Variants in KCNN4 observed in about 807,000 individuals in gnomAD.
KCNN4 encodes intermediate conductance calcium-activated potassium channel protein 4.
Under a neutral mutation model 45.2 loss-of-function variants are expected in KCNN4, and 31 were observed. That is an observed-to-expected ratio of 0.69 (90% CI 0.52 to 0.92). The LOEUF (loss-of-function observed/expected upper bound fraction) is 0.92, where lower values mean the gene tolerates loss of function less well. Among genes scored for constraint, KCNN4 ranks in the 40% least tolerant of loss-of-function variants. The pLI is 0.00. For missense variants in KCNN4, 463 were observed against 574.0 expected, an observed-to-expected ratio of 0.81 and a Z score of 1.98; for synonymous variants, 231 against 254.6, an observed-to-expected ratio of 0.91 and a Z score of 0.88.
At chr19:43,778,528 C>T (rs1420705803) in intron 1 of KCNN4, among the ~76,000 whole-genome samples, 3 of 152,178 alleles carry the variant, frequency 2.0e-5, no homozygotes, top group Admixed American at 6.5e-5. Flanking sequence ...CGTGAGCCAC[C>T]GCGCCCGGCC....
chr19:43,774,134 C>G lies in KCNN4; in HGVS notation c.683+58G>C. 1 of 1,513,026 alleles carries G rather than the reference C, an allele frequency of 6.6e-7. No homozygotes were observed. Among genetic ancestry groups the G allele is most frequent in the East Asian group, 2.4e-5 (1 of 41,774 alleles). 93.7% of individuals were successfully genotyped at this position (1,513,026 alleles called of 1,614,324 possible). A position where few individuals can be genotyped will look rare whatever the true frequency, so the allele number is the denominator to read the frequency against. On this transcript the variant is annotated intron_variant, in intron 3 of 8. Coordinates refer to ENST00000648319, the MANE Select transcript of KCNN4 (RefSeq NM_002250.3). This position sits in a 1 kb window ranked among gnomAD's most constrained non-coding sequence, Gnocchi z 5.6. ...CCTCAACCTGCACCGCGGCACAGGACGGCCGCCGTGGCTGTCCGGGGTTCC... is the reference window on the plus strand; with the variant it reads ...CCTCAACCTGCACCGCGGCACAGGAGGGCCGCCGTGGCTGTCCGGGGTTCC...
chr19:43,769,235 G>A lies in KCNN4; in HGVS notation c.1050-203C>T, dbSNP rs1215488453. ...AGTAGAAACCCAGGTACCCAGGTCC[G>A]CAGACACACCGAGATATGCGGAGAC... On this transcript the variant is annotated intron_variant, in intron 6 of 8. Coordinates refer to ENST00000648319, the MANE Select transcript of KCNN4 (RefSeq NM_002250.3). This position sits in a 1 kb window ranked among gnomAD's most constrained non-coding sequence, Gnocchi z 4.4. 4.4e-5 allele frequency: 30 copies of A among 674,562 alleles called. No homozygotes were observed. Among genetic ancestry groups the A allele is most frequent in the South Asian group, 3.1e-4 (18 of 57,302 alleles). 41.8% of individuals were successfully genotyped at this position (674,562 alleles called of 1,614,324 possible). A position where few individuals can be genotyped will look rare whatever the true frequency, so the allele number is the denominator to read the frequency against.
chr19:43,774,361 C>T lies in KCNN4; in HGVS notation c.514G>A (p.Gly172Ser). 1.2e-6 allele frequency: 2 copies of T among 1,608,110 alleles called. No individual in the cohort carries two copies. Among genetic ancestry groups the T allele is most frequent in the Non-Finnish European group, 1.7e-6 (2 of 1,177,428 alleles). The change falls in exon 3 of 9, where the codon GGC (glycine) becomes AGC (serine). Residue 172 changes from glycine (G) to serine (S), a missense_variant. By Grantham distance (56) the Gly-to-Ser change is moderately conservative. Around this residue, in one of 3 missense-constraint regions of KCNN4, gnomAD observed 225 missense variants for 240.9 expected, o/e 0.93. Coordinates refer to ENST00000648319, the MANE Select transcript of KCNN4 (RefSeq NM_002250.3). The surrounding 1 kb of genome is among the most constrained non-coding windows in gnomAD (Gnocchi z 5.6). ...CGGTAGGAAGCGTTGAGCAGGACGC[C>T]GCTGCGCAGGAGCACGGCGCGGGGC... ...LVPRAVLLRS[G>S]VLLNASYRSI... is the part of the protein sequence containing the mutation.
rs200205232 is a variant in KCNN4, at chr19:43,774,244, G to C, written c.631C>G (p.Leu211Val). ...NTHPGRLLLG[L>V]TLGLWLTTAW... Reference sequence around the variant, plus strand: ...GTGGTCAGCCAGAGGCCAAGCGTGAGGCCGAGCAGCAGGCGGCCAGGGTGC... The same window carrying C: ...GTGGTCAGCCAGAGGCCAAGCGTGACGCCGAGCAGCAGGCGGCCAGGGTGC... Residue 211 changes from leucine to valine, a missense_variant, in exon 3 of 9, where the codon CTC becomes GTC. Around this residue, in one of 3 missense-constraint regions of KCNN4, gnomAD observed 109 missense variants for 183.7 expected, o/e 0.59. Transcript: ENST00000648319. This position sits in a 1 kb window ranked among gnomAD's most constrained non-coding sequence, Gnocchi z 5.6. The C allele has an allele frequency of 1.2e-6, 2 of 1,613,360 alleles. No individual in the cohort carries two copies. The highest frequency in any genetic ancestry group is 1.7e-6 in the Non-Finnish European group (2 of 1,179,720).
At chr19:43,776,487 C>G in intron 2 of KCNN4, 54 bp downstream of exon 2, 1 of 1,218,826 alleles carries the variant, frequency 8.2e-7, no homozygotes, top group East Asian at 2.3e-5. Context: ...TGTGAGCTGA[C>G]AGGGCGCTGA....
chr19:43,767,770 G>C, intron 7 of KCNN4, 63 bp from the exon 8 acceptor site: 1 of 1,575,832 alleles, frequency 6.3e-7, no homozygotes, highest in Non-Finnish European at 8.7e-7. Context: ...ACTCCATAGC[G>C]TAAGGCAATG....
intron 1 of KCNN4, 50 bp downstream of exon 1, chr19:43,780,653 C>G: frequency 1.3e-6 from 2 of 1,498,348 alleles, no homozygotes; most frequent in African/African-American, 2.8e-5. Flanking sequence ...CCCAGCCCCT[C>G]CTCCCTCAGA....
At chr19:43,777,796 G>A (rs762439809) in intron 1 of KCNN4, among the ~76,000 whole-genome samples, 1 of 152,160 alleles carries the variant, frequency 6.6e-6, no homozygotes, top group Admixed American at 6.5e-5. Flanking sequence ...TGCCTGGCGG[G>A]TATTTGCAGG....
At chr19:43,776,469 G>T (rs1229601452) in intron 2 of KCNN4, 72 bp downstream of exon 2, 45 of 1,022,810 alleles carry the variant, frequency 4.4e-5, no homozygotes, top group Non-Finnish European at 1.6e-5. Context: ...GAGGAGGAGG[G>T]TGGAAAGTGT....
At chr19:43,776,427 G>A (rs1442027671) in intron 2 of KCNN4, 114 bp downstream of exon 2, 2 of 752,524 alleles carry the variant, frequency 2.7e-6, no homozygotes, top group East Asian at 2.6e-5. Context: ...GCAGCACCTA[G>A]GGCAGAAGAA....
intron 4 of KCNN4, among the ~76,000 whole-genome samples, chr19:43,771,436 A>T (rs1305439863): frequency 6.6e-6 from 1 of 152,160 alleles, no homozygotes; most frequent in Non-Finnish European, 1.5e-5. Flanking sequence ...CCGAGAGATC[A>T]CGTGGCTCGC....
In KCNN4 at chr19:43,772,064, C is replaced by A; in HGVS notation, c.755G>T (p.Gly252Val). 5 of 1,613,516 alleles carry A rather than the reference C, an allele frequency of 3.1e-6. No homozygotes were observed. The highest frequency in any genetic ancestry group is 4.2e-6 in the Non-Finnish European group (5 of 1,179,810). Residue 252 changes from glycine (G) to valine (V), a missense_variant, in exon 4 of 9, where the codon GGC (glycine) becomes GTC (valine). By Grantham distance (109) the Gly-to-Val change is moderately radical (BLOSUM62 -3). Transcript: ENST00000648319. The surrounding 1 kb of genome is among the most constrained non-coding windows in gnomAD (Gnocchi z 4.4). ...GGTGCCCGGCACCACGTCACCATAG[C>A]CGATGGTCAGGAATGTGATGGGGAT... ...WLIPITFLTI[G>V]YGDVVPGTMW...
chr19:43,776,243 C>T (rs1248263041), intron 2 of KCNN4, among the ~76,000 whole-genome samples: 1 of 150,946 alleles, frequency 6.6e-6, no homozygotes, highest in Non-Finnish European at 1.5e-5. Flanking sequence ...AAGCTGAGTG[C>T]CTGGGAGCAG....
In KCNN4 at chr19:43,766,773, G is replaced by A. The variant is rs7181; in HGVS notation, c.*320C>T. The A allele has an allele frequency of 0.2, 31,238 of 152,472 alleles. 3,244 individuals are homozygous for A. The highest frequency in any genetic ancestry group is 0.27 in the East Asian group (1,390 of 5,162). The allele number at this position is 152,472 out of a possible 1,614,324, so 9.4% of individuals were successfully genotyped here. A position where few individuals can be genotyped will look rare whatever the true frequency, so the allele number is the denominator to read the frequency against. ...TAGTACCCTCTTTCCCAGGGACCCA[G>A]GAGTCCTGCCTCCAGTCGCCTGCAC... On this transcript the variant is annotated 3_prime_UTR_variant, in exon 9 of 9. Coordinates refer to ENST00000648319, the MANE Select transcript of KCNN4 (RefSeq NM_002250.3).
chr19:43,769,107 G>C lies in KCNN4; in HGVS notation c.1050-75C>G, dbSNP rs566252291. On this transcript the variant is annotated intron_variant, in intron 6 of 8. Transcript: ENST00000648319. The surrounding 1 kb of genome is among the most constrained non-coding windows in gnomAD (Gnocchi z 4.4). ...AGCTGTAGCTCAGGGGAGGAATGAA[G>C]GGAGGAGAGGCACATGAAGAAACAA... 26 of 1,447,396 alleles carry C rather than the reference G, an allele frequency of 1.8e-5. No homozygotes were observed. In the East Asian group the frequency reaches 5.9e-4, roughly 33 times the overall value. The allele number at this position is 1,447,396 out of a possible 1,614,324, so 89.7% of individuals were successfully genotyped here.
chr19:43,769,323 G>A lies in KCNN4; in HGVS notation c.1049+119C>T. The A allele has an allele frequency of 1.2e-6, 1 of 806,340 alleles. No homozygotes were observed. Among genetic ancestry groups the A allele is most frequent in the Non-Finnish European group, 2.1e-6 (1 of 475,758 alleles). 49.9% of individuals were successfully genotyped at this position (806,340 alleles called of 1,614,324 possible). A position where few individuals can be genotyped will look rare whatever the true frequency, so the allele number is the denominator to read the frequency against. Reference sequence around the variant, plus strand: ...TCCAGGTGAGACCTGGATGTTGAGTGAGACCACACCTGGGTGTCCTGACCT... The same window carrying A: ...TCCAGGTGAGACCTGGATGTTGAGTAAGACCACACCTGGGTGTCCTGACCT... On this transcript the variant is annotated intron_variant, in intron 6 of 8. Coordinates refer to ENST00000648319, the MANE Select transcript of KCNN4 (RefSeq NM_002250.3). This position sits in a 1 kb window ranked among gnomAD's most constrained non-coding sequence, Gnocchi z 4.4.
chr19:43,768,831 A>G (rs965498205), intron 7 of KCNN4, 132 bp downstream of exon 7: 1 of 779,040 alleles, frequency 1.3e-6, no homozygotes, highest in Non-Finnish European at 2.2e-6. Context: ...TCCTTCATTC[A>G]ACCACAGACC....
chr19:43,768,399 T>C (rs544578636), intron 7 of KCNN4, among the ~76,000 whole-genome samples: 4 of 152,216 alleles, frequency 2.6e-5, no homozygotes, highest in Non-Finnish European at 4.4e-5. Flanking sequence ...TGTGACATCA[T>C]TGTCCCTAAG....
chr19:43,767,799 T>C, intron 7 of KCNN4, 92 bp from the exon 8 acceptor site: 14 of 1,429,208 alleles, frequency 9.8e-6, no homozygotes, highest in East Asian at 6.9e-5. Context: ...ATTGACCACA[T>C]CCTTATGGTC....
Sources: gnomAD v4.1 joint callset for allele counts (sites outside exome capture counted in the v4.1 genomes callset) on GRCh38, gnomAD v4.1.1 for gene constraint, gnomAD v4.1.1 regional missense constraint, Gnocchi (gnomAD v3.1) non-coding constraint, MANE v1.5 for transcripts, NCBI Gene and HGNC (gene_info 2026-07-23, HGNC 2026-07-21) for gene names.